Variants in ADCY9 observed in about 807,000 individuals in gnomAD.
ADCY9 encodes the protein adenylate cyclase type 9.
In ADCY9, 50 loss-of-function variants were observed where a neutral mutation model predicts 101.5. The observed-to-expected ratio is 0.49, with a 90% CI of 0.39 to 0.62. The LOEUF (loss-of-function observed/expected upper bound fraction) is 0.62, where lower values mean the gene tolerates loss of function less well. ADCY9 is among the 20% of genes least tolerant of loss of function. The pLI is 0.00. For synonymous variants in ADCY9, 905 were observed against 769.3 expected (o/e 1.18, Z -2.92); for missense variants, 1,662 against 1,800.4 (o/e 0.92, Z 1.39).
rs138074393 is a variant in ADCY9 at position 4,064,887 on chromosome 16, G to A, written c.1693+48863C>T. Among the ~76,000 whole-genome samples the A allele has an allele frequency of 2.4e-3, 366 of 152,020 alleles. 1 individual carries two copies. Among genetic ancestry groups the A allele is most frequent in the Admixed American group, 3.9e-3 (60 of 15,250 alleles). ...TAATTATTCCTCACTCTTTACCCTC[G>A]GCCCACATCATTTCCCTACAGGCTG... is the stretch of plus-strand genomic sequence containing the variant. On this transcript the variant is annotated intron_variant, in intron 2 of 10. Transcript: ENST00000294016.
At position 4,045,445 on chromosome 16, in the gene ADCY9, A is replaced by C. The variant is rs181856011; in HGVS notation, c.1694-37887T>G. Among the ~76,000 whole-genome samples, 147 of 151,810 alleles carry C rather than the reference A, an allele frequency of 9.7e-4. 2 individuals are homozygous for C. In the South Asian group the frequency reaches 0.017, roughly 18 times the overall value. ...CCCTGTCTCTACTAAAAATACAAAA[A>C]TTAGCCAGGTGTGGTGGCGTGTACC... On this transcript the variant is annotated intron_variant, in intron 2 of 10. Transcript: ENST00000294016.
At chr16:4,088,008 C>T (rs544073019) in intron 2 of ADCY9, among the ~76,000 whole-genome samples, 1 of 150,918 alleles carries the variant, frequency 6.6e-6, no homozygotes, top group Non-Finnish European at 1.5e-5. Flanking sequence ...TGAGCTCAAG[C>T]AATGCTCCTG....
rs76668124 is a variant in ADCY9 at position 4,102,277 on chromosome 16, T to C, written c.1693+11473A>G. Among the ~76,000 whole-genome samples, 102 of 152,210 alleles carry C rather than the reference T, an allele frequency of 6.7e-4. 2 individuals are homozygous for C. In the East Asian group the frequency reaches 0.019, roughly 29 times the overall value. ...TCCTATAAATTGCAGCGCCCCTAGG[T>C]AGCTTGCCCAAAGTCCCACAGTTAG... On this transcript the variant is annotated intron_variant, in intron 2 of 10. Transcript: ENST00000294016.
rs765537891 is a variant in ADCY9 at position 4,114,537 on chromosome 16, G to T, written c.906C>A (p.Ser302=). ...HAIGVHLFVM[S]QVRSRSTFLK... is the part of the protein sequence containing the mutation. ...GGAAGGTGCTCCTGGACCTCACCTG[G>T]GACATGACGAACAGGTGGACCCCGA... The change falls in exon 2 of 11, where the codon TCC becomes TCA. Residue 302 remains serine, a synonymous_variant. Transcript: ENST00000294016. This position sits in a 1 kb window ranked among gnomAD's most constrained non-coding sequence, Gnocchi z 4.3. 1 of 1,614,178 alleles carries T rather than the reference G, an allele frequency of 6.2e-7. No homozygotes were observed. The highest frequency in any genetic ancestry group is 1.7e-5 in the Admixed American group (1 of 60,020).
At chr16:4,096,854 A>C in intron 2 of ADCY9, among the ~76,000 whole-genome samples, 1 of 152,122 alleles carries the variant, frequency 6.6e-6, no homozygotes. Context: ...CACGAAAATA[A>C]ATGATTCAAA....
At chr16:4,095,252 C>T (rs575474781) in intron 2 of ADCY9, among the ~76,000 whole-genome samples, 1 of 152,284 alleles carries the variant, frequency 6.6e-6, no homozygotes, top group Admixed American at 6.5e-5. Context: ...CCACATGCCT[C>T]AGCCTCCCAA....
intron 2 of ADCY9, among the ~76,000 whole-genome samples, chr16:4,034,164 G>A (rs1270675034): frequency 6.6e-6 from 1 of 152,038 alleles, no homozygotes; most frequent in African/African-American, 2.4e-5. Flanking sequence ...CTGCCTTCTC[G>A]GTCTTACACA....
chr16:4,108,885 T>C (rs2057096352), intron 2 of ADCY9, among the ~76,000 whole-genome samples: 1 of 150,814 alleles, frequency 6.6e-6, no homozygotes, highest in Admixed American at 6.6e-5. Flanking sequence ...TTTGTATTTT[T>C]AGTAAATATG....
At chr16:4,073,551 A>G (rs1010336633) in intron 2 of ADCY9, among the ~76,000 whole-genome samples, 1 of 152,006 alleles carries the variant, frequency 6.6e-6, no homozygotes, top group African/African-American at 2.4e-5. Flanking sequence ...TCTCACCACC[A>G]TATCCAGCTA....
chr16:3,992,464 T>C lies in ADCY9; in HGVS notation c.1990-101A>G. ...CCCGACCTCCGCTGCGGGGCGCTGC[T>C]GCACTGGGCGTGGGACTTTCTGACC... On this transcript the variant is annotated intron_variant, in intron 4 of 10. Coordinates refer to ENST00000294016, the MANE Select transcript of ADCY9 (RefSeq NM_001116.4). The surrounding 1 kb of genome is among the most constrained non-coding windows in gnomAD (Gnocchi z 4.2). The C allele has an allele frequency of 9.1e-7, 1 of 1,104,324 alleles. No homozygotes were observed. The highest frequency in any genetic ancestry group is 1.3e-6 in the Non-Finnish European group (1 of 768,542). The allele number at this position is 1,104,324 out of a possible 1,614,324, so 68.4% of individuals were successfully genotyped here. A position where few individuals can be genotyped will look rare whatever the true frequency, so the allele number is the denominator to read the frequency against.
intron 2 of ADCY9, among the ~76,000 whole-genome samples, chr16:4,098,223 T>G (rs1390311574): frequency 2.0e-5 from 3 of 151,738 alleles, no homozygotes; most frequent in Non-Finnish European, 4.4e-5. Flanking sequence ...TGGGATTTTT[T>G]GTTTTGTTTT....
chr16:4,109,767 G>A (rs1455420944), intron 2 of ADCY9, among the ~76,000 whole-genome samples: 2 of 152,164 alleles, frequency 1.3e-5, no homozygotes, highest in East Asian at 1.9e-4. Flanking sequence ...ACCCCTACCT[G>A]GGATTTACTC....
chr16:4,113,853 G>A lies in ADCY9; in HGVS notation c.1590C>T (p.His530=), dbSNP rs755825386. The A allele has an allele frequency of 2.5e-6, 4 of 1,614,150 alleles. No homozygotes were observed. The highest frequency in any genetic ancestry group is 4.5e-5 in the East Asian group (2 of 44,884). ...MEQLGVAGKV[H]ISEATAKYLD... is the part of the protein sequence containing the mutation. The stretch of plus-strand genomic sequence containing the variant: ...AGTATTTTGCGGTGGCCTCAGAAAT[G>A]TGAACTTTGCCGGCCACTCCCAGCT... The change falls in exon 2 of 11, where the codon CAC becomes CAT. Residue 530 remains histidine, a synonymous_variant. Coordinates refer to ENST00000294016, the MANE Select transcript of ADCY9 (RefSeq NM_001116.4).
intron 2 of ADCY9, among the ~76,000 whole-genome samples, chr16:4,083,962 A>C (rs2056921302): frequency 1.3e-5 from 2 of 152,068 alleles, no homozygotes; most frequent in African/African-American, 4.8e-5. Context: ...GTACACTTAA[A>C]CTGCTGAATT....
chr16:4,058,604 T>C (rs747103663), intron 2 of ADCY9, among the ~76,000 whole-genome samples: 2 of 152,026 alleles, frequency 1.3e-5, no homozygotes, highest in East Asian at 1.9e-4. Context: ...TACAATGACG[T>C]TGCAGGGGGA....
intron 2 of ADCY9, among the ~76,000 whole-genome samples, chr16:4,025,716 C>T (rs994152216): frequency 6.6e-6 from 1 of 152,154 alleles, no homozygotes; most frequent in Non-Finnish European, 1.5e-5. Context: ...AGGCAGAACC[C>T]GCAGCTCCAG....
chr16:4,106,918 C>A (rs2057081021), intron 2 of ADCY9, among the ~76,000 whole-genome samples: 1 of 152,234 alleles, frequency 6.6e-6, no homozygotes, highest in Admixed American at 6.5e-5. Flanking sequence ...TGTTCCTTCT[C>A]CATGTTTCCC....
At chr16:3,954,725 G>T (rs770612497) in intron 5 of ADCY9, among the ~76,000 whole-genome samples, 1 of 152,088 alleles carries the variant, frequency 6.6e-6, no homozygotes, top group African/African-American at 2.4e-5. Flanking sequence ...CAGAGCAGCC[G>T]CAACACTGGA....
intron 2 of ADCY9, among the ~76,000 whole-genome samples, chr16:4,102,550 C>T (rs1453003371): frequency 2.6e-5 from 4 of 152,174 alleles, no homozygotes; most frequent in East Asian, 1.9e-4. Flanking sequence ...CTCAGCCGCC[C>T]GAGTAGCTGG....
Sources: gnomAD v4.1 joint callset for allele counts (sites outside exome capture counted in the v4.1 genomes callset) on GRCh38, gnomAD v4.1.1 for gene constraint, Gnocchi (gnomAD v3.1) non-coding constraint, MANE v1.5 for transcripts, NCBI Gene and HGNC (gene_info 2026-07-23, HGNC 2026-07-21) for gene names.